ZNF91: variants seen among roughly 807,000 people sequenced by gnomAD.
ZNF91 encodes zinc finger protein 91.
Under a neutral mutation model 12.6 loss-of-function variants are expected in ZNF91, and 7 were observed. The observed-to-expected ratio is 0.55, with a 90% CI of 0.31 to 1.04. ZNF91 has a LOEUF of 1.04. ZNF91 is among the 50% of genes least tolerant of loss of function. The pLI is 0.05. For missense variants in ZNF91, 1,217 were observed against 1,385.4 expected, an observed-to-expected ratio of 0.88 and a Z score of 1.93; for synonymous variants, 453 against 462.6, an observed-to-expected ratio of 0.98 and a Z score of 0.27.
rs368515606 is a variant in ZNF91 at position 23,360,417 on chromosome 19, G to C, written c.2562C>G (p.Tyr854Ter). The C allele has an allele frequency of 2.5e-6, 4 of 1,614,090 alleles. No individual in the cohort carries two copies. Among genetic ancestry groups the C allele is most frequent in the Admixed American group, 3.3e-5 (2 of 60,018 alleles). The change falls in exon 4 of 4, where the codon TAC becomes TAG. Residue 854 changes from tyrosine to a stop codon, truncating the protein, a stop_gained. Coordinates refer to ENST00000300619, the MANE Select transcript of ZNF91 (RefSeq NM_003430.4). LOFTEE classifies it low-confidence loss of function (END_TRUNC). ...AAGCTTTGCCACATTCCTCACATTT[G>C]TAGAGTTTCTCTCCAGCATGTATTA... is the stretch of plus-strand genomic sequence containing the variant. Reference protein sequence around the residue: ...HKIIHAGEKLYKCEECGKAFN... With the variant: ...HKIIHAGEKL
At position 23,358,458 on chromosome 19, in the gene ZNF91, C is replaced by T. The variant is rs1968556144; in HGVS notation, c.*945G>A. On this transcript the variant is annotated 3_prime_UTR_variant, in exon 4 of 4. Coordinates refer to ENST00000300619, the MANE Select transcript of ZNF91 (RefSeq NM_003430.4). ...TCCATAGAAAAGGTCATAAATAATG[C>T]CTCTTCATATTTGTAATGCTTTTTC... 6.6e-6 allele frequency: 1 copy of T among 152,090 alleles called. No homozygotes were observed. The highest frequency in any genetic ancestry group is 2.4e-5 in the African/African-American group (1 of 41,400). The allele number at this position is 152,090 out of a possible 1,614,324, so 9.4% of individuals were successfully genotyped here.
Position 23,361,593 on chromosome 19 carries a change from G to A in ZNF91, c.1386C>T (p.Phe462=). 7 of 1,613,728 alleles carry A rather than the reference G, an allele frequency of 4.3e-6. No individual in the cohort carries two copies. Among genetic ancestry groups the A allele is most frequent in the Non-Finnish European group, 5.9e-6 (7 of 1,179,828 alleles). ...ATGCTTTGCCACATTCTTTACATTT[G>A]AAGGGTTTCTCTCTAGTATGAAATC... The part of the protein sequence containing the change: ...HKRFHTREKP[F]KCKECGKAFI... The change falls in exon 4 of 4, where the codon TTC becomes TTT. Residue 462 remains phenylalanine, a synonymous_variant. Coordinates refer to ENST00000300619, the MANE Select transcript of ZNF91 (RefSeq NM_003430.4).
chr19:23,322,608 A>G (rs976748827), intron 1 of ZNF91, among the ~76,000 whole-genome samples: 33 of 152,184 alleles, frequency 2.2e-4, no homozygotes, highest in African/African-American at 7.7e-4. Flanking sequence ...AAGCCATGAA[A>G]AGAGTCATAA....
In ZNF91 at chr19:23,374,731, A is replaced by G; in HGVS notation, c.64T>C (p.Phe22Leu). The G allele has an allele frequency of 6.2e-7, 1 of 1,612,492 alleles. No homozygotes were observed. Among genetic ancestry groups the G allele is most frequent in the Non-Finnish European group, 8.5e-7 (1 of 1,179,170 alleles). ...LLTFRDVAIEFSPEEWQCLDT... is the reference protein window; with the variant it reads ...LLTFRDVAIELSPEEWQCLDT... ...AGACATTGCCACTCCTCCGGAGAGA[A>G]TTCTATGGCCACATCCCTAAATGTC... Residue 22 changes from phenylalanine to leucine, a missense_variant, in exon 2 of 4, where the codon TTC becomes CTC. This residue lies in a region of ZNF91 where 726 missense variants were observed against 895.5 expected (regional missense o/e 0.81). Transcript: ENST00000300619.
At chr19:23,329,274 C>T (rs1967887426) in intron 1 of ZNF91, among the ~76,000 whole-genome samples, 1 of 152,104 alleles carries the variant, frequency 6.6e-6, no homozygotes, top group Non-Finnish European at 1.5e-5. Flanking sequence ...ATCTGTTTGA[C>T]TTGGAAGCAT....
rs777763132 is a variant in ZNF91 at position 23,360,349 on chromosome 19, G to C, written c.2630C>G (p.Thr877Ser). 1.2e-6 allele frequency: 2 copies of C among 1,613,886 alleles called. No individual in the cohort carries two copies. Among genetic ancestry groups the C allele is most frequent in the Non-Finnish European group, 8.5e-7 (1 of 1,179,984 alleles). The change falls in exon 4 of 4, where the codon ACT becomes AGT. Residue 877 changes from threonine (T) to serine (S), a missense_variant. Around this residue, in one of 2 missense-constraint regions of ZNF91, gnomAD observed 491 missense variants for 489.8 expected, o/e 1.00. Coordinates refer to ENST00000300619, the MANE Select transcript of ZNF91 (RefSeq NM_003430.4). The part of the protein sequence containing the change: ...SNLTTHKIIH[T>S]KEKPSKSEEC... Reference sequence around the variant, plus strand: ...TTCACTCTTGGAAGGTTTCTCTTTAGTATGAATTATCTTATGTGTCGTAAG... The same window carrying C: ...TTCACTCTTGGAAGGTTTCTCTTTACTATGAATTATCTTATGTGTCGTAAG...
intron 3 of ZNF91, among the ~76,000 whole-genome samples, chr19:23,345,174 A>G (rs1968197174): frequency 6.6e-6 from 1 of 152,154 alleles, no homozygotes. Flanking sequence ...AGTGGTGACA[A>G]TCGCTCCTTT....
intron 3 of ZNF91, among the ~76,000 whole-genome samples, chr19:23,351,599 ATG>A (rs1968368951): frequency 6.6e-6 from 1 of 152,226 alleles, no homozygotes; most frequent in Non-Finnish European, 1.5e-5. Context: ...GTAGAAGAAA[ATG>A]TGAACAGTTT....
intron 1 of ZNF91, among the ~76,000 whole-genome samples, chr19:23,390,501 C>CCCA (rs954083415): frequency 6.6e-6 from 1 of 152,046 alleles, no homozygotes; most frequent in African/African-American, 2.4e-5. Flanking sequence ...CATTATGATG[C>CCCA]CCACCACCAC....
Position 23,361,970 on chromosome 19 carries a change from G to C in ZNF91, c.1009C>G (p.Leu337Val). Residue 337 changes from leucine to valine, a missense_variant, in exon 4 of 4, where the codon CTT becomes GTT. Coordinates refer to ENST00000300619, the MANE Select transcript of ZNF91 (RefSeq NM_003430.4). ...CGKAFSRSST[L>V]AKHKRIHTGE... ...GTATGAATTCTCTTATGTTTAGCAA[G>C]GGTTGAAGAACGGCTAAAAGCTTTG... The C allele has an allele frequency of 6.2e-7, 1 of 1,613,060 alleles. No homozygotes were observed. The highest frequency in any genetic ancestry group is 1.1e-5 in the South Asian group (1 of 90,902).
rs1452156676 is a variant in ZNF91 at position 23,395,388 on chromosome 19, A to C, written c.-34T>G. The C allele has an allele frequency of 1.9e-6, 3 of 1,612,350 alleles. No individual in the cohort carries two copies. The highest frequency in any genetic ancestry group is 2.7e-5 in the African/African-American group (2 of 74,832). ...TGGCTCTCCAATACCTGCAGGTCAC[A>C]GGGCCACACAGGCTGGGCCTCCTGG... On this transcript the variant is annotated 5_prime_UTR_variant, in exon 1 of 4. Coordinates refer to ENST00000300619, the MANE Select transcript of ZNF91 (RefSeq NM_003430.4).
intron 3 of ZNF91, among the ~76,000 whole-genome samples, chr19:23,370,204 G>A (rs1032985003): frequency 2.0e-5 from 3 of 151,158 alleles, no homozygotes; most frequent in African/African-American, 4.9e-5. Flanking sequence ...TTGATACAAC[G>A]GAGTATTATT....
chr19:23,347,816 C>T (rs1295986419), intron 3 of ZNF91, among the ~76,000 whole-genome samples: 2 of 152,174 alleles, frequency 1.3e-5, no homozygotes, highest in East Asian at 1.9e-4. Context: ...AAGCCCAGGG[C>T]CAGGTACCCA....
At position 23,362,431 on chromosome 19, in the gene ZNF91, T is replaced by C. The variant is rs764364875; in HGVS notation, c.548A>G (p.Lys183Arg). 5.0e-6 allele frequency: 8 copies of C among 1,613,856 alleles called. No individual in the cohort carries two copies. The highest frequency in any genetic ancestry group is 5.9e-6 in the Non-Finnish European group (7 of 1,179,970). The change falls in exon 4 of 4, where the codon AAA becomes AGA. Residue 183 changes from lysine (K) to arginine (R), a missense_variant. Lys to Arg is a conservative substitution (Grantham distance 26). Transcript: ENST00000300619. ...TIRHTGKKCF[K>R]CKKCVKSFCI... is the part of the protein sequence containing the mutation. The stretch of plus-strand genomic sequence containing the variant: ...AAATGACTTGACACATTTTTTACAT[T>C]TGAAGCATTTCTTTCCAGTATGTCT...
intron 1 of ZNF91, among the ~76,000 whole-genome samples, chr19:23,382,287 T>G (rs1420638316): frequency 6.6e-6 from 1 of 152,152 alleles, no homozygotes; most frequent in African/African-American, 2.4e-5. Context: ...CATCTAAATT[T>G]TGCACACTGT....
chr19:23,351,830 C>T (rs534428949), intron 3 of ZNF91, among the ~76,000 whole-genome samples: 1 of 152,218 alleles, frequency 6.6e-6, no homozygotes, highest in African/African-American at 2.4e-5. Context: ...GAAAGGGAGA[C>T]CCTCCTCTCC....
chr19:23,342,334 T>C (rs1458086409), intron 3 of ZNF91: 1 of 360,834 alleles, frequency 2.8e-6, no homozygotes, highest in Non-Finnish European at 5.0e-6. Flanking sequence ...CTATGTTCAG[T>C]AGAGAGGAGA....
chr19:23,355,524 C>T (rs1968464604), downstream of ZNF91, among the ~76,000 whole-genome samples: 1 of 151,958 alleles, frequency 6.6e-6, no homozygotes, highest in African/African-American at 2.4e-5. Flanking sequence ...GGAAAAAAAC[C>T]CTTCTAGGCA....
At chr19:23,380,690 T>C (rs1360369438) in intron 1 of ZNF91, 1 of 152,190 alleles carries the variant, frequency 6.6e-6, no homozygotes, top group Non-Finnish European at 1.5e-5. Flanking sequence ...AAAAATAATT[T>C]CTCTCTAAAT....
Sources: allele counts gnomAD v4.1 joint callset (sites outside exome capture counted in the v4.1 genomes callset), GRCh38; gene constraint gnomAD v4.1.1; regional missense constraint gnomAD v4.1.1; transcripts MANE v1.5; gene names NCBI Gene and HGNC (gene_info 2026-07-23, HGNC 2026-07-21).